DPYSL5: variants seen among roughly 807,000 people sequenced by gnomAD.
DPYSL5 encodes dihydropyrimidinase like 5.
Under a neutral mutation model 58.4 loss-of-function variants are expected in DPYSL5, and 9 were observed. That is an observed-to-expected ratio of 0.15 (90% CI 0.09 to 0.27). DPYSL5 has a LOEUF of 0.27. DPYSL5 is among the 10% of genes least tolerant of loss of function. The pLI, the probability that DPYSL5 is intolerant of heterozygous loss-of-function variation, is 1.00. For synonymous variants in DPYSL5, 293 were observed against 301.9 expected, an observed-to-expected ratio of 0.97 and a Z score of 0.31; for missense variants, 499 against 770.6, an observed-to-expected ratio of 0.65 and a Z score of 4.17.
chr2:26,849,627 GCTGCCAGGGAGGCGGAT>G lies in DPYSL5; in HGVS notation c.-5+1376_-5+1392del, dbSNP rs1665695969. ...TGAAAGGCTTTGCCCAGCAGCAGGT[GCTGCCAGGGAGGCGGAT>G]CTCCCTTCGGGGAGACCCGGAGAAC... On this transcript the variant is annotated intron_variant, in intron 1 of 12. Coordinates refer to ENST00000288699, the MANE Select transcript of DPYSL5 (RefSeq NM_020134.4). The surrounding 1 kb of genome is among the most constrained non-coding windows in gnomAD (Gnocchi z 6.2). 6.6e-6 allele frequency among the ~76,000 whole-genome samples: 1 copy of G among 152,246 alleles called. No individual in the cohort carries two copies. Among genetic ancestry groups the G allele is most frequent in the Non-Finnish European group, 1.5e-5 (1 of 68,036 alleles).
At chr2:26,922,700 C>T (rs546084088) in intron 2 of DPYSL5, among the ~76,000 whole-genome samples, 13 of 152,314 alleles carry the variant, frequency 8.5e-5, no homozygotes, top group South Asian at 8.3e-4. Context: ...CCCACGTGCA[C>T]ATGTAAAAGC....
intron 8 of DPYSL5, among the ~76,000 whole-genome samples, chr2:26,935,935 C>T (rs1268039311): frequency 6.6e-6 from 1 of 152,218 alleles, no homozygotes; most frequent in Non-Finnish European, 1.5e-5. Flanking sequence ...GCAACTTATG[C>T]CTGGCCACCT....
In DPYSL5 at chr2:26,942,400, G is replaced by T. The variant is rs1665346169; in HGVS notation, c.1233-143G>T. 2 of 973,442 alleles carry T rather than the reference G, an allele frequency of 2.1e-6. No homozygotes were observed. The highest frequency in any genetic ancestry group is 2.5e-5 in the Admixed American group (1 of 40,774). The allele number at this position is 973,442 out of a possible 1,614,324, so 60.3% of individuals were successfully genotyped here. On this transcript the variant is annotated intron_variant, in intron 10 of 12. Coordinates refer to ENST00000288699, the MANE Select transcript of DPYSL5 (RefSeq NM_020134.4). This position sits in a 1 kb window ranked among gnomAD's most constrained non-coding sequence, Gnocchi z 5.9. ...AATAGTGCCATGTTCTGAGGTTCTG[G>T]GTGTTAGAACTTCAGCAGAAGAATT...
intron 1 of DPYSL5, among the ~76,000 whole-genome samples, chr2:26,879,760 A>G (rs1663509686): frequency 6.6e-6 from 1 of 152,152 alleles, no homozygotes; most frequent in Admixed American, 6.5e-5. Context: ...GGATTCCTAG[A>G]GAGAGATGGT....
At chr2:26,868,128 G>A (rs2148115099) in intron 1 of DPYSL5, among the ~76,000 whole-genome samples, 1 of 152,262 alleles carries the variant, frequency 6.6e-6, no homozygotes, top group East Asian at 1.9e-4. Context: ...CATCTCATAT[G>A]TTGTTGGTTA....
upstream of DPYSL5, chr2:26,848,099 C>G (rs1665642664): frequency 6.6e-6 from 1 of 151,576 alleles, no homozygotes; most frequent in Admixed American, 6.6e-5. Context: ...CCCTCCCCCG[C>G]TCCCCACTCT....
intron 2 of DPYSL5, among the ~76,000 whole-genome samples, chr2:26,900,636 G>T (rs757727496): frequency 5.9e-5 from 9 of 152,164 alleles, no homozygotes; most frequent in Non-Finnish European, 1.2e-4. Flanking sequence ...GTACACTTAG[G>T]TTCAGCTTTA....
chr2:26,928,408 C>A lies in DPYSL5; in HGVS notation c.669+85C>A, dbSNP rs1249042500. 4 of 1,455,092 alleles carry A rather than the reference C, an allele frequency of 2.7e-6. No homozygotes were observed. The African/African-American group carries it at 5.6e-5, about 20-fold the overall frequency. 90.1% of individuals were successfully genotyped at this position (1,455,092 alleles called of 1,614,324 possible). On this transcript the variant is annotated intron_variant, in intron 5 of 12. Transcript: ENST00000288699. ...CAGGATGGAGGAGACATCAAACATA[C>A]AAATTAGCCAGGCACAAGGGCTCAT...
chr2:26,927,885 G>T lies in DPYSL5; in HGVS notation c.601-370G>T, dbSNP rs1314397239. 6.6e-6 allele frequency among the ~76,000 whole-genome samples: 1 copy of T among 152,210 alleles called. No individual in the cohort carries two copies. Among genetic ancestry groups the T allele is most frequent in the East Asian group, 1.9e-4 (1 of 5,204 alleles). ...CATTCTCCTAGGTCTTGGGGTAAGG[G>T]CTAGCCTAGCAGTTGCTGGAAGCTA... On this transcript the variant is annotated intron_variant, in intron 4 of 12. Coordinates refer to ENST00000288699, the MANE Select transcript of DPYSL5 (RefSeq NM_020134.4). The surrounding 1 kb of genome is among the most constrained non-coding windows in gnomAD (Gnocchi z 4.3).
At position 26,921,927 on chromosome 2, in the gene DPYSL5, C is replaced by T. The variant is rs773261673; in HGVS notation, c.262-2960C>T. Among the ~76,000 whole-genome samples the T allele has an allele frequency of 1.1e-4, 17 of 152,272 alleles. No individual in the cohort carries two copies. In the Middle Eastern group the frequency reaches 0.02, roughly 183 times the overall value. Reference sequence around the variant, plus strand: ...CAACACGTGGGAAAGTCAAGACCACCTCCTATGCTTCCAACTCCTTCCTGA... The same window carrying T: ...CAACACGTGGGAAAGTCAAGACCACTTCCTATGCTTCCAACTCCTTCCTGA... On this transcript the variant is annotated intron_variant, in intron 2 of 12. Coordinates refer to ENST00000288699, the MANE Select transcript of DPYSL5 (RefSeq NM_020134.4).
chr2:26,911,086 T>G (rs1230642433), intron 2 of DPYSL5, among the ~76,000 whole-genome samples: 5 of 150,612 alleles, frequency 3.3e-5, no homozygotes, highest in South Asian at 4.2e-4. Flanking sequence ...TCAGTTTTTT[T>G]TTTTTTTTTT....
chr2:26,870,926 A>T (rs868099563), intron 1 of DPYSL5, among the ~76,000 whole-genome samples: 31 of 152,266 alleles, frequency 2.0e-4, no homozygotes, highest in Middle Eastern at 6.8e-3. Context: ...CTACACATTG[A>T]CTTAACCACT....
chr2:26,902,760 A>G (rs1664190773), intron 2 of DPYSL5, among the ~76,000 whole-genome samples: 3 of 152,208 alleles, frequency 2.0e-5, no homozygotes. Context: ...CACAGGATAC[A>G]GGTCATAAAG....
intron 2 of DPYSL5, among the ~76,000 whole-genome samples, chr2:26,918,112 G>A (rs1411234048): frequency 6.9e-6 from 1 of 145,332 alleles, no homozygotes; most frequent in Non-Finnish European, 1.5e-5. Flanking sequence ...CTCCAGCCTG[G>A]GTGACAGAGC....
At chr2:26,861,718 C>T (rs769531865) in intron 1 of DPYSL5, among the ~76,000 whole-genome samples, 5 of 152,238 alleles carry the variant, frequency 3.3e-5, no homozygotes, top group African/African-American at 4.8e-5. Flanking sequence ...TCTCTAAGGA[C>T]GTGAAGACAG....
At chr2:26,909,101 T>G (rs1333245501) in intron 2 of DPYSL5, among the ~76,000 whole-genome samples, 2 of 152,228 alleles carry the variant, frequency 1.3e-5, no homozygotes, top group African/African-American at 4.8e-5. Context: ...TCATCTCCCC[T>G]GGATAGTTTC....
intron 8 of DPYSL5, 184 bp from the exon 9 acceptor site, chr2:26,939,847 T>C: frequency 1.5e-6 from 1 of 669,110 alleles, no homozygotes; most frequent in East Asian, 2.8e-5. Flanking sequence ...ATTCTGTAGA[T>C]GAGTAAACTG....
chr2:26,904,264 G>T (rs1488677677), intron 2 of DPYSL5, among the ~76,000 whole-genome samples: 1 of 152,136 alleles, frequency 6.6e-6, no homozygotes, highest in Non-Finnish European at 1.5e-5. Context: ...GCCCAGCCTT[G>T]CCAACTTCCT....
At chr2:26,931,504 G>A in intron 5 of DPYSL5, 136 bp from the exon 6 acceptor site, 1 of 885,094 alleles carries the variant, frequency 1.1e-6, no homozygotes, top group Non-Finnish European at 1.8e-6. Flanking sequence ...GTAGTTGGAG[G>A]TTAGTGCCTC....
Sources: gnomAD v4.1 joint callset for allele counts (sites outside exome capture counted in the v4.1 genomes callset) on GRCh38, gnomAD v4.1.1 for gene constraint, Gnocchi (gnomAD v3.1) non-coding constraint, MANE v1.5 for transcripts, NCBI Gene and HGNC (gene_info 2026-07-23, HGNC 2026-07-21) for gene names.